CMSS1: variants seen among roughly 807,000 people sequenced by gnomAD.
CMSS1 encodes the protein cms1 ribosomal small subunit homolog, also known as protein CMSS1.
A neutral mutation model predicts 43.5 loss-of-function variants in CMSS1; 33 were observed. The ratio of observed to expected loss-of-function variants is 0.76; its 90% CI spans 0.57 to 1.01. The LOEUF is 1.01. Ranked by LOEUF, CMSS1 falls within the 50% of genes least tolerant of loss-of-function variation. The pLI is 0.00. For missense variants in CMSS1, 313 were observed against 326.4 expected (o/e 0.96, Z 0.32); for synonymous variants, 115 against 117.2 (o/e 0.98, Z 0.12).
chr3:99,879,075 C>G (rs556860160), intron 1 of CMSS1, among the ~76,000 whole-genome samples: 1 of 152,236 alleles, frequency 6.6e-6, no homozygotes, highest in Admixed American at 6.5e-5. Flanking sequence ...ATTTTTTAAT[C>G]AGGAATTTAC....
chr3:99,926,005 G>C (rs1233839996), intron 1 of CMSS1: 1 of 318,982 alleles, frequency 3.1e-6, no homozygotes, highest in Middle Eastern at 1.6e-3. Flanking sequence ...GAAAACACCC[G>C]ACTTTCTAGA....
intron 1 of CMSS1, among the ~76,000 whole-genome samples, chr3:100,043,522 G>A (rs779523895): frequency 6.6e-6 from 1 of 152,068 alleles, no homozygotes; most frequent in African/African-American, 2.4e-5. Context: ...TGCTGTGGGA[G>A]ACAGGCTCCA....
chr3:99,942,561 G>A (rs185744903), intron 1 of CMSS1, among the ~76,000 whole-genome samples: 58 of 152,316 alleles, frequency 3.8e-4, no homozygotes, highest in Admixed American at 1.2e-3. Context: ...GCCAGTCGCC[G>A]TGGCTCACGC....
At position 99,998,783 on chromosome 3, in the gene CMSS1, A is replaced by G. The variant is rs1055559412; in HGVS notation, c.65-148190A>G. Among the ~76,000 whole-genome samples, 11 of 152,178 alleles carry G rather than the reference A, an allele frequency of 7.2e-5. No individual in the cohort carries two copies. In the South Asian group the frequency reaches 1.9e-3, roughly 26 times the overall value. ...ACCGGGTTTCACCGTATTAGCCAGG[A>G]TGGTCTCGATCTCCTGACCTCGTGA... On this transcript the variant is annotated intron_variant, in intron 1 of 9. Transcript: ENST00000421999.
At chr3:100,147,212 A>T in intron 2 of CMSS1, 151 bp downstream of exon 2, 1 of 663,862 alleles carries the variant, frequency 1.5e-6, no homozygotes, top group Non-Finnish European at 2.3e-6. Flanking sequence ...GCCATGGGCC[A>T]TGCTTCCTTC....
At chr3:99,908,806 C>T (rs1706701763) in intron 1 of CMSS1, among the ~76,000 whole-genome samples, 1 of 151,852 alleles carries the variant, frequency 6.6e-6, no homozygotes, top group Non-Finnish European at 1.5e-5. Context: ...TACAAGAGAC[C>T]TTTCTTTGTA....
In CMSS1 at chr3:99,891,201, C is replaced by T. The variant is rs115104578; in HGVS notation, c.64+73158C>T. 4.4e-3 allele frequency among the ~76,000 whole-genome samples: 664 copies of T among 151,760 alleles called. 7 individuals are homozygous for T. The highest frequency in any genetic ancestry group is 0.016 in the African/African-American group (651 of 41,376). ...CATGGAAAGCAGTTTTCCTTGCAGT[C>T]CTTTAGAGGTTGATTTTGTTTCTAA... On this transcript the variant is annotated intron_variant, in intron 1 of 9. Coordinates refer to ENST00000421999, the MANE Select transcript of CMSS1 (RefSeq NM_032359.4).
At chr3:100,111,618 T>C (rs979097766) in intron 1 of CMSS1, among the ~76,000 whole-genome samples, 11 of 152,166 alleles carry the variant, frequency 7.2e-5, no homozygotes, top group African/African-American at 2.7e-4. Flanking sequence ...GCTCCAGTGA[T>C]TGACCATCAG....
rs2067167371 is a variant in CMSS1, at chr3:100,178,672, A to G, written c.*284A>G. 1 of 274,548 alleles carries G rather than the reference A, an allele frequency of 3.6e-6. No homozygotes were observed. The highest frequency in any genetic ancestry group is 4.8e-5 in the Admixed American group (1 of 20,776). The allele number at this position is 274,548 out of a possible 1,614,324, so 17.0% of individuals were successfully genotyped here. ...TGATGTAACTGTGCAGGAGAAAGGA[A>G]AGAGCAGCTGGGTGACCTTAGGCAA... is the stretch of plus-strand genomic sequence containing the variant. On this transcript the variant is annotated 3_prime_UTR_variant, in exon 10 of 10. Transcript: ENST00000421999.
intron 1 of CMSS1, among the ~76,000 whole-genome samples, chr3:100,002,989 G>A (rs1483163720): frequency 6.6e-6 from 1 of 152,188 alleles, no homozygotes; most frequent in Non-Finnish European, 1.5e-5. Flanking sequence ...GATGAAGAAA[G>A]GGCAGAGGAG....
intron 1 of CMSS1, among the ~76,000 whole-genome samples, chr3:99,958,093 A>G (rs1044811542): frequency 6.7e-6 from 1 of 150,060 alleles, no homozygotes; most frequent in Non-Finnish European, 1.5e-5. Context: ...ATTTAATTTT[A>G]ATTTCCAGGA....
chr3:99,954,654 C>T (rs1316396506), intron 1 of CMSS1, among the ~76,000 whole-genome samples: 3 of 151,920 alleles, frequency 2.0e-5, no homozygotes, highest in East Asian at 1.9e-4. Context: ...GGTGAAACCC[C>T]GTCTCTACTA....
chr3:100,169,902 A>G (rs531359591), intron 6 of CMSS1, among the ~76,000 whole-genome samples: 1 of 152,220 alleles, frequency 6.6e-6, no homozygotes, highest in Non-Finnish European at 1.5e-5. Context: ...TGTTATACAT[A>G]AATTCCTTAC....
chr3:99,976,761 G>A (rs987023927), intron 1 of CMSS1, among the ~76,000 whole-genome samples: 1 of 151,974 alleles, frequency 6.6e-6, no homozygotes. Context: ...GAGTTCTTCA[G>A]GTTTCTTGGA....
At chr3:100,056,282 A>G (rs145476761) in intron 1 of CMSS1, among the ~76,000 whole-genome samples, 572 of 152,312 alleles carry the variant, frequency 3.8e-3, no homozygotes, top group African/African-American at 0.013. Context: ...TTTCCAGCTG[A>G]TAAATTGACA....
intron 1 of CMSS1, chr3:99,849,833 T>C: frequency 6.2e-7 from 1 of 1,611,420 alleles, no homozygotes; most frequent in Non-Finnish European, 8.5e-7. Context: ...AATGCTGTTG[T>C]GGATTTCCCA....
At chr3:100,034,484 A>C (rs1003675315) in intron 1 of CMSS1, among the ~76,000 whole-genome samples, 1 of 152,244 alleles carries the variant, frequency 6.6e-6, no homozygotes, top group Non-Finnish European at 1.5e-5. Flanking sequence ...GTTAAAAGGT[A>C]GCCACTTCGT....
intron 1 of CMSS1, among the ~76,000 whole-genome samples, chr3:100,124,551 A>G (rs1410474542): frequency 6.6e-6 from 1 of 152,194 alleles, no homozygotes; most frequent in East Asian, 1.9e-4. Flanking sequence ...CAGCAGCCTC[A>G]TGTGATTAGG....
At chr3:99,844,752 G>A (rs539611319) in intron 1 of CMSS1, among the ~76,000 whole-genome samples, 78 of 152,214 alleles carry the variant, frequency 5.1e-4, no homozygotes, top group African/African-American at 1.8e-3. Context: ...TGAAATCCCC[G>A]TTTGGATCGT....
Sources: gnomAD v4.1 joint callset for allele counts (sites outside exome capture counted in the v4.1 genomes callset) on GRCh38, gnomAD v4.1.1 for gene constraint, MANE v1.5 for transcripts, NCBI Gene and HGNC (gene_info 2026-07-23, HGNC 2026-07-21) for gene names.